TET2: variants seen among roughly 807,000 people sequenced by gnomAD.
The protein encoded by TET2 is methylcytosine dioxygenase TET2.
In TET2, 299 loss-of-function variants were observed where a neutral mutation model predicts 142.9. The observed-to-expected ratio is 2.09, with a 90% CI of 1.90 to 2.30. The LOEUF (loss-of-function observed/expected upper bound fraction) is 2.30, where lower values mean the gene tolerates loss of function less well. Among genes scored for constraint, TET2 ranks in the 30% most tolerant of loss-of-function variants. TET2 has a pLI of 0.00. For synonymous variants in TET2, 819 were observed against 849.0 expected, an observed-to-expected ratio of 0.96 and a Z score of 0.61; for missense variants, 2,418 against 2,378.0, an observed-to-expected ratio of 1.02 and a Z score of -0.35.
intron 10 of TET2, among the ~76,000 whole-genome samples, chr4:105,274,610 A>T (rs562229648): frequency 2.8e-4 from 42 of 152,320 alleles, no homozygotes; most frequent in African/African-American, 9.9e-4. Context: ...AAACATAACT[A>T]TAATACATTG....
At chr4:105,154,773 C>T (rs1438469398) in intron 1 of TET2, among the ~76,000 whole-genome samples, 1 of 152,018 alleles carries the variant, frequency 6.6e-6, no homozygotes, top group African/African-American at 2.4e-5. Flanking sequence ...ACCTGTAATC[C>T]CAGCACTTTG....
intron 1 of TET2, among the ~76,000 whole-genome samples, chr4:105,167,118 T>A (rs1395471606): frequency 6.6e-6 from 1 of 152,114 alleles, no homozygotes; most frequent in Non-Finnish European, 1.5e-5. Flanking sequence ...TTCCATCACA[T>A]ATTTTTCATC....
At chr4:105,233,859 A>AGATAG in intron 2 of TET2, 38 bp from the exon 3 acceptor site, 2 of 1,034,020 alleles carry the variant, frequency 1.9e-6, no homozygotes, top group Non-Finnish European at 2.8e-6. Context: ...GATAGATAGA[A>AGATAG]ATAAACACAT....
intron 1 of TET2, among the ~76,000 whole-genome samples, chr4:105,187,904 G>A (rs913654839): frequency 6.6e-6 from 1 of 152,186 alleles, no homozygotes; most frequent in Non-Finnish European, 1.5e-5. Flanking sequence ...CACATTGCTA[G>A]TGGAATGTAA....
chr4:105,272,675 G>A lies in TET2; in HGVS notation c.4294G>A (p.Val1432Met), dbSNP rs1417740167. ...CTCTGACGTGGATGAGTTTGGGAGTGTGGAAGCTCAGGAGGAGAAAAAACG... is the reference window on the plus strand; with the variant it reads ...CTCTGACGTGGATGAGTTTGGGAGTATGGAAGCTCAGGAGGAGAAAAAACG... The part of the protein sequence containing the change: ...KVSDVDEFGS[V>M]EAQEEKKRSG... The change falls in exon 10 of 11, where the codon GTG becomes ATG. Residue 1432 changes from valine (V) to methionine (M), a missense_variant. Val to Met is a conservative substitution (Grantham distance 21). Coordinates refer to ENST00000380013, the MANE Select transcript of TET2 (RefSeq NM_001127208.3). 3 of 1,551,638 alleles carry A rather than the reference G, an allele frequency of 1.9e-6. No individual in the cohort carries two copies. Among genetic ancestry groups the A allele is most frequent in the African/African-American group, 1.4e-5 (1 of 73,046 alleles).
chr4:105,224,184 A>G (rs1318649720), intron 2 of TET2, among the ~76,000 whole-genome samples: 1 of 152,088 alleles, frequency 6.6e-6, no homozygotes, highest in Non-Finnish European at 1.5e-5. Context: ...AAAAAATAAA[A>G]CAAAAACAAA....
intron 4 of TET2, chr4:105,241,993 C>T: frequency 8.1e-7 from 1 of 1,240,824 alleles, no homozygotes; most frequent in Non-Finnish European, 1.0e-6. Flanking sequence ...GCCTTTACTC[C>T]TGCATGTAGA....
At chr4:105,199,967 A>G (rs1726348168) in intron 2 of TET2, among the ~76,000 whole-genome samples, 1 of 152,052 alleles carries the variant, frequency 6.6e-6, no homozygotes, top group Non-Finnish European at 1.5e-5. Flanking sequence ...GGTTGATTCC[A>G]TGTCTTTGCT....
intron 1 of TET2, among the ~76,000 whole-genome samples, chr4:105,151,572 C>G (rs1219105446): frequency 6.6e-6 from 1 of 151,512 alleles, no homozygotes; most frequent in African/African-American, 2.4e-5. Flanking sequence ...AGAACTCAGG[C>G]CAGGTGTGGT....
At chr4:105,257,756 GTTATC>G (rs1417788982) in intron 6 of TET2, among the ~76,000 whole-genome samples, 2 of 152,022 alleles carry the variant, frequency 1.3e-5, no homozygotes, top group Non-Finnish European at 2.9e-5. Context: ...AGCTTTTTTA[GTTATC>G]TTATGTTTTG....
In TET2 at chr4:105,279,430, T is replaced by C; in HGVS notation, c.*2911T>C. 1 of 232,702 alleles carries C rather than the reference T, an allele frequency of 4.3e-6. No individual in the cohort carries two copies. Among genetic ancestry groups the C allele is most frequent in the Non-Finnish European group, 8.5e-6 (1 of 117,720 alleles). The allele number at this position is 232,702 out of a possible 1,614,324, so 14.4% of individuals were successfully genotyped here. A position where few individuals can be genotyped will look rare whatever the true frequency, so the allele number is the denominator to read the frequency against. On this transcript the variant is annotated 3_prime_UTR_variant, in exon 11 of 11. Transcript: ENST00000380013. ...TCTACAATTTGCTAATATAGGAATA[T>C]CAGGTTGACTATATAGCCATACTTG...
At chr4:105,164,641 T>C (rs1449650008) in intron 1 of TET2, among the ~76,000 whole-genome samples, 1 of 152,192 alleles carries the variant, frequency 6.6e-6, no homozygotes, top group African/African-American at 2.4e-5. Context: ...ATGAAAATTA[T>C]AGGACTCATA....
Position 105,276,297 on chromosome 4 carries a change from G to A in TET2, c.5787G>A (p.Glu1929=), listed in dbSNP as rs2110316476. The A allele has an allele frequency of 1.3e-6, 2 of 1,551,656 alleles. No individual in the cohort carries two copies. Among genetic ancestry groups the A allele is most frequent in the Non-Finnish European group, 1.7e-6 (2 of 1,146,968 alleles). ...AKMAEKAREK[E]EECEKYGPDY... is the part of the protein sequence containing the mutation. ...TGGCTGAAAAAGCCCGTGAGAAAGAGGAAGAGTGTGAAAAGTATGGCCCAG... is the reference window on the plus strand; with the variant it reads ...TGGCTGAAAAAGCCCGTGAGAAAGAAGAAGAGTGTGAAAAGTATGGCCCAG... The change falls in exon 11 of 11, where the codon GAG becomes GAA. Residue 1929 remains glutamate, a synonymous_variant. Coordinates refer to ENST00000380013, the MANE Select transcript of TET2 (RefSeq NM_001127208.3).
chr4:105,266,252 T>G (rs190617939), intron 8 of TET2, among the ~76,000 whole-genome samples: 1 of 151,976 alleles, frequency 6.6e-6, no homozygotes, highest in East Asian at 1.9e-4. Flanking sequence ...AGAAGTAAAT[T>G]TGGCAGTTCT....
intron 1 of TET2, among the ~76,000 whole-genome samples, chr4:105,168,029 A>G (rs1162363740): frequency 1.3e-5 from 2 of 152,182 alleles, no homozygotes; most frequent in Non-Finnish European, 2.9e-5. Context: ...CATTTCACCA[A>G]TTTCCATCTC....
chr4:105,247,164 A>G (rs1484470583), intron 6 of TET2, among the ~76,000 whole-genome samples: 1 of 152,214 alleles, frequency 6.6e-6, no homozygotes, highest in Non-Finnish European at 1.5e-5. Flanking sequence ...TCAACATTTT[A>G]TCAATATTTT....
At chr4:105,229,961 G>A (rs990248907) in intron 2 of TET2, among the ~76,000 whole-genome samples, 1 of 151,974 alleles carries the variant, frequency 6.6e-6, no homozygotes, top group Non-Finnish European at 1.5e-5. Context: ...CCTTATTGAT[G>A]TAGGTTGTTT....
intron 2 of TET2, among the ~76,000 whole-genome samples, chr4:105,203,895 T>G (rs567126517): frequency 5.9e-5 from 9 of 152,224 alleles, no homozygotes; most frequent in Middle Eastern, 3.4e-3. Flanking sequence ...CTAAAGGATG[T>G]TATGTATAAT....
rs534527819 is a variant in TET2, at chr4:105,254,542, G to A, written c.3804-5077G>A. On this transcript the variant is annotated intron_variant, in intron 6 of 10. Transcript: ENST00000380013. ...TTTACCCACCTCAGCCTCCCAAGTA[G>A]CTCGGACTACAGGCACATGCCACCA... Among the ~76,000 whole-genome samples the A allele has an allele frequency of 4.6e-5, 7 of 152,196 alleles. No homozygotes were observed. The South Asian group carries it at 8.3e-4, about 18-fold the overall frequency.
Sources: gnomAD v4.1 joint callset for allele counts (sites outside exome capture counted in the v4.1 genomes callset) on GRCh38, gnomAD v4.1.1 for gene constraint, MANE v1.5 for transcripts, NCBI Gene and HGNC (gene_info 2026-07-23, HGNC 2026-07-21) for gene names.